Variants in SHISA6 observed in about 807,000 individuals in gnomAD.
SHISA6 encodes the protein shisa family member 6.
In SHISA6, 22 loss-of-function variants were observed where a neutral mutation model predicts 47.9. The observed-to-expected ratio is 0.46, with a 90% CI of 0.33 to 0.66. The LOEUF (loss-of-function observed/expected upper bound fraction) is 0.66. Ranked by LOEUF, SHISA6 falls within the 30% of genes least tolerant of loss-of-function variation. SHISA6 has a pLI of 0.02. For missense variants in SHISA6, 680 were observed against 764.6 expected (o/e 0.89, Z 1.30); for synonymous variants, 388 against 337.8 (o/e 1.15, Z -1.63).
At chr17:11,366,124 T>C (rs1455805717) in intron 2 of SHISA6, among the ~76,000 whole-genome samples, 2 of 152,190 alleles carry the variant, frequency 1.3e-5, no homozygotes, top group Non-Finnish European at 2.9e-5. Context: ...TGGTGTGTAA[T>C]GTCCTGTAGA....
chr17:11,290,372 A>C (rs1909484863), intron 2 of SHISA6: 1 of 127,396 alleles, frequency 7.8e-6, no homozygotes, highest in African/African-American at 3.0e-5. Context: ...TTTTTTTGAG[A>C]TGGAATCTCA....
chr17:11,381,849 T>G (rs2142246984), intron 3 of SHISA6, among the ~76,000 whole-genome samples: 1 of 152,334 alleles, frequency 6.6e-6, no homozygotes, highest in South Asian at 2.1e-4. Context: ...GCCCCTCCTG[T>G]GCGTGCATTG....
At chr17:11,447,487 C>T (rs189533930) in intron 3 of SHISA6, among the ~76,000 whole-genome samples, 4 of 152,294 alleles carry the variant, frequency 2.6e-5, no homozygotes, top group Admixed American at 2.6e-4. Flanking sequence ...AATGGAGCCA[C>T]CTTCCTTGAG....
At chr17:11,433,841 G>A (rs973031077) in intron 3 of SHISA6, among the ~76,000 whole-genome samples, 21 of 151,972 alleles carry the variant, frequency 1.4e-4, no homozygotes, top group African/African-American at 4.8e-4. Flanking sequence ...AAAGCCCCAG[G>A]AGAGCATCCT....
chr17:11,272,454 A>G (rs1405458853), intron 2 of SHISA6, among the ~76,000 whole-genome samples: 3 of 152,140 alleles, frequency 2.0e-5, no homozygotes, highest in Non-Finnish European at 4.4e-5. Context: ...CGGGCTGACT[A>G]GGACTGTTGG....
At chr17:11,432,741 A>G (rs562575433) in intron 3 of SHISA6, among the ~76,000 whole-genome samples, 2 of 152,214 alleles carry the variant, frequency 1.3e-5, no homozygotes, top group Admixed American at 6.5e-5. Context: ...ACATGCTACA[A>G]CAGACACAAA....
At chr17:11,429,507 G>A (rs549862371) in intron 3 of SHISA6, among the ~76,000 whole-genome samples, 86 of 151,860 alleles carry the variant, frequency 5.7e-4, no homozygotes, top group Admixed American at 1.9e-3. Flanking sequence ...CCGGCCAGGC[G>A]CCTTGGCTCT....
At chr17:11,489,972 G>A (rs1597547229) in intron 3 of SHISA6, among the ~76,000 whole-genome samples, 1 of 152,130 alleles carries the variant, frequency 6.6e-6, no homozygotes, top group Non-Finnish European at 1.5e-5. Context: ...AAAGAATAGG[G>A]GTTTCCATCC....
chr17:11,544,356 A>C (rs2071863269), intron 3 of SHISA6, among the ~76,000 whole-genome samples: 1 of 152,216 alleles, frequency 6.6e-6, no homozygotes, highest in Admixed American at 6.5e-5. Context: ...ATAATTCTCA[A>C]AACAGGAAAA....
Position 11,327,931 on chromosome 17 carries a change from CTCTCTCTG to C in SHISA6, c.800-51467_800-51460del, listed in dbSNP as rs550613891. ...TCTCTCTCTCTCTCTGTCTCTCTCT[CTCTCTCTG>C]TCTCTCTGTCTCTCTCTCTCTCATA... On this transcript the variant is annotated intron_variant, in intron 2 of 5. Transcript: ENST00000441885. Among the ~76,000 whole-genome samples the C allele has an allele frequency of 2.3e-3, 335 of 146,610 alleles. 1 individual carries two copies. Among genetic ancestry groups the C allele is most frequent in the African/African-American group, 8.1e-3 (311 of 38,332 alleles).
chr17:11,279,807 G>C (rs1909058200), intron 2 of SHISA6, among the ~76,000 whole-genome samples: 1 of 115,010 alleles, frequency 8.7e-6, no homozygotes, highest in Non-Finnish European at 2.1e-5. Flanking sequence ...CAAAAAGAGA[G>C]AGAGAAAGAG....
chr17:11,279,812 AAAGAGG>A (rs79285501), intron 2 of SHISA6, among the ~76,000 whole-genome samples: 747 of 46,732 alleles, frequency 0.016, 5 homozygotes, highest in African/African-American at 0.021. Context: ...AGAGAGAGAG[AAAGAGG>A]GAGAGAGAGA....
intron 2 of SHISA6, among the ~76,000 whole-genome samples, chr17:11,378,533 C>T (rs1490330336): frequency 6.6e-6 from 1 of 152,166 alleles, no homozygotes; most frequent in East Asian, 1.9e-4. Flanking sequence ...CATGTACATA[C>T]TTTAGGAGGG....
chr17:11,356,467 T>A (rs1270262337), intron 2 of SHISA6, among the ~76,000 whole-genome samples: 2 of 152,232 alleles, frequency 1.3e-5, no homozygotes, highest in Non-Finnish European at 2.9e-5. Context: ...GCACTTTGGC[T>A]GGAACATCTT....
rs34578146 is a variant in SHISA6, at chr17:11,356,029, C to T, written c.800-23385C>T. ...GGCAGAAAGAATGGTCCAAATCTGC[C>T]TTGTAATAAGATTCTTAGGTGATCT... is the stretch of plus-strand genomic sequence containing the variant. On this transcript the variant is annotated intron_variant, in intron 2 of 5. Coordinates refer to ENST00000441885, the MANE Select transcript of SHISA6 (RefSeq NM_207386.4). Among the ~76,000 whole-genome samples, 576 of 152,284 alleles carry T rather than the reference C, an allele frequency of 3.8e-3. 3 individuals carry two copies. The highest frequency in any genetic ancestry group is 0.013 in the African/African-American group (554 of 41,564).
At chr17:11,370,776 T>C (rs1912608861) in intron 2 of SHISA6, among the ~76,000 whole-genome samples, 1 of 152,192 alleles carries the variant, frequency 6.6e-6, no homozygotes, top group Non-Finnish European at 1.5e-5. Context: ...CTCACCCTCT[T>C]TGGGTTTATA....
chr17:11,290,605 C>T (rs1909497229), intron 2 of SHISA6: 1 of 152,080 alleles, frequency 6.6e-6, no homozygotes, highest in South Asian at 2.1e-4. Context: ...CTGCCTCGGC[C>T]TCCTAAAGTG....
At chr17:11,339,177 A>G (rs952530909) in intron 2 of SHISA6, among the ~76,000 whole-genome samples, 2 of 151,952 alleles carry the variant, frequency 1.3e-5, no homozygotes, top group African/African-American at 4.8e-5. Flanking sequence ...AAAAAAAAAA[A>G]AAAGAAAACC....
chr17:11,309,591 G>A (rs1033332514), intron 2 of SHISA6, among the ~76,000 whole-genome samples: 1 of 152,130 alleles, frequency 6.6e-6, no homozygotes, highest in African/African-American at 2.4e-5. Context: ...ACCCTCTTGT[G>A]GGTGATAACT....
Sources: allele counts gnomAD v4.1 joint callset (sites outside exome capture counted in the v4.1 genomes callset), GRCh38; gene constraint gnomAD v4.1.1; transcripts MANE v1.5; gene names NCBI Gene and HGNC (gene_info 2026-07-23, HGNC 2026-07-21).